PTGER3: variants seen among roughly 807,000 people sequenced by gnomAD.
PTGER3 encodes the protein prostaglandin E2 receptor EP3 subtype.
In PTGER3, 22 loss-of-function variants were observed where a neutral mutation model predicts 34.7. The observed-to-expected ratio is 0.63, with a 90% confidence interval of 0.45 to 0.91. PTGER3 has a LOEUF of 0.91. Ranked by LOEUF, PTGER3 falls within the 40% of genes least tolerant of loss-of-function variation. The pLI is 0.00. For synonymous variants in PTGER3, 241 were observed against 230.1 expected (o/e 1.05, Z -0.43); for missense variants, 468 against 519.4 (o/e 0.90, Z 0.96).
downstream of PTGER3, chr1:70,951,156 G>C (rs896528056): frequency 6.6e-6 from 1 of 152,102 alleles, no homozygotes; most frequent in Non-Finnish European, 1.5e-5. Flanking sequence ...TAACTCTACT[G>C]TTCCTTACCT....
chr1:71,003,847 A>G (rs147678199), intron 2 of PTGER3, among the ~76,000 whole-genome samples: 65 of 152,314 alleles, frequency 4.3e-4, no homozygotes, highest in African/African-American at 1.5e-3. Context: ...CTCTCACAGA[A>G]GGATTTCTTA....
intron 1 of PTGER3, among the ~76,000 whole-genome samples, chr1:71,040,861 G>A (rs1210733357): frequency 6.6e-6 from 1 of 152,146 alleles, no homozygotes; most frequent in East Asian, 1.9e-4. Context: ...GGAAGGCTTC[G>A]CTAGAAAATG....
At chr1:70,890,861 T>G (rs1478339389) in intron 4 of PTGER3, among the ~76,000 whole-genome samples, 1 of 152,216 alleles carries the variant, frequency 6.6e-6, no homozygotes, top group Admixed American at 6.5e-5. Context: ...TCTGGTTTTA[T>G]CTCTAGAGTT....
intron 1 of PTGER3, among the ~76,000 whole-genome samples, chr1:71,034,401 C>T (rs1572989083): frequency 1.3e-5 from 2 of 152,186 alleles, no homozygotes; most frequent in Non-Finnish European, 1.5e-5. Flanking sequence ...ATAGCTAAGT[C>T]CCTTTATGTT....
intron 4 of PTGER3, among the ~76,000 whole-genome samples, chr1:70,866,909 ACTCT>A (rs1010280135): frequency 5.3e-5 from 8 of 151,706 alleles, no homozygotes; most frequent in African/African-American, 1.9e-4. Context: ...ATTTTAAACT[ACTCT>A]CTCTGTCTCC....
chr1:70,911,379 A>G (rs1647058445), intron 4 of PTGER3, among the ~76,000 whole-genome samples: 7 of 152,138 alleles, frequency 4.6e-5, no homozygotes, highest in Admixed American at 4.6e-4. Context: ...ATGTTTTGAT[A>G]AGATCAAATA....
At chr1:70,928,876 C>CAG (rs1648403771) in intron 4 of PTGER3, among the ~76,000 whole-genome samples, 2 of 151,254 alleles carry the variant, frequency 1.3e-5, no homozygotes, top group Non-Finnish European at 2.9e-5. Context: ...GATACACACA[C>CAG]ACACACACAC....
At chr1:70,874,027 T>C (rs1180817154) in intron 4 of PTGER3, among the ~76,000 whole-genome samples, 3 of 152,224 alleles carry the variant, frequency 2.0e-5, no homozygotes, top group African/African-American at 4.8e-5. Flanking sequence ...TAAAGAAATA[T>C]AGCATTATTA....
Position 71,046,720 on chromosome 1 carries a change from C to G in PTGER3, c.858G>C (p.Gly286=). ...AGCAGACCGACAGCACGCACATGAT[C>G]CCCATAAGCTGAATGGCCGTCTCGG... is the stretch of plus-strand genomic sequence containing the variant. ...ITTETAIQLM[G]IMCVLSVCWS... is the part of the protein sequence containing the mutation. Residue 286 remains glycine, a synonymous_variant, in exon 1 of 4, where the codon GGG becomes GGC. Transcript: ENST00000306666. The G allele has an allele frequency of 6.2e-7, 1 of 1,600,526 alleles. No homozygotes were observed. The highest frequency in any genetic ancestry group is 1.1e-5 in the South Asian group (1 of 89,822).
chr1:71,029,692 T>C (rs1659234730), intron 1 of PTGER3, among the ~76,000 whole-genome samples: 1 of 151,878 alleles, frequency 6.6e-6, no homozygotes, highest in Non-Finnish European at 1.5e-5. Flanking sequence ...TTGGCAGGCC[T>C]AGGCAGGAGG....
chr1:70,981,260 C>G (rs1208080861), intron 2 of PTGER3, among the ~76,000 whole-genome samples: 2 of 151,752 alleles, frequency 1.3e-5, no homozygotes, highest in South Asian at 2.1e-4. Flanking sequence ...CCTTTTTTTT[C>G]TTTTCTTTTT....
chr1:71,000,876 A>G (rs1656409238), intron 2 of PTGER3, among the ~76,000 whole-genome samples: 1 of 152,222 alleles, frequency 6.6e-6, no homozygotes, highest in Non-Finnish European at 1.5e-5. Context: ...CAAACATTGA[A>G]TGTTGATTTA....
chr1:70,911,961 CA>C (rs141200737), intron 4 of PTGER3, among the ~76,000 whole-genome samples: 40 of 152,126 alleles, frequency 2.6e-4, no homozygotes, highest in African/African-American at 9.2e-4. Context: ...CCCAAATATT[CA>C]CCATTATGAT....
At chr1:70,860,343 A>T (rs1276467888) in intron 4 of PTGER3, among the ~76,000 whole-genome samples, 1 of 152,178 alleles carries the variant, frequency 6.6e-6, no homozygotes, top group Non-Finnish European at 1.5e-5. Flanking sequence ...AAAAAATGTG[A>T]TTCCCCATCG....
chr1:70,883,700 TA>T (rs1030978570), intron 4 of PTGER3, among the ~76,000 whole-genome samples: 2 of 152,226 alleles, frequency 1.3e-5, no homozygotes, highest in Admixed American at 1.3e-4. Context: ...TATTTCTAAA[TA>T]AAAACATTTT....
chr1:70,952,821 A>C, exon 4 of PTGER3: 1 of 1,414,324 alleles, frequency 7.1e-7, no homozygotes, highest in East Asian at 2.5e-5. Context: ...GAAAGTGCTC[A>C]AAATAAGCAG....
At chr1:71,009,684 T>C in intron 2 of PTGER3, 1 of 985,090 alleles carries the variant, frequency 1.0e-6, no homozygotes, top group Non-Finnish European at 1.2e-6. Context: ...ATGGTTTTCT[T>C]GGCCTTTAAT....
chr1:71,021,489 G>C (rs1289933319), intron 1 of PTGER3, among the ~76,000 whole-genome samples: 2 of 152,034 alleles, frequency 1.3e-5, no homozygotes, highest in Non-Finnish European at 2.9e-5. Context: ...TGATGGATTA[G>C]CTGGGTGACA....
chr1:70,942,333 G>T (rs1285289054), intron 4 of PTGER3, among the ~76,000 whole-genome samples: 1 of 152,160 alleles, frequency 6.6e-6, no homozygotes, highest in Admixed American at 6.6e-5. Context: ...AACTTGTGTT[G>T]TGTTTGTGCT....
Sources: allele counts gnomAD v4.1 joint callset (sites outside exome capture counted in the v4.1 genomes callset), GRCh38; gene constraint gnomAD v4.1.1; transcripts MANE v1.5; gene names NCBI Gene and HGNC (gene_info 2026-07-23, HGNC 2026-07-21).